Variants in TEP1 observed in about 807,000 individuals in gnomAD.
TEP1 encodes the protein telomerase associated protein 1, also known as telomerase protein component 1.
Under a neutral mutation model 306.3 loss-of-function variants are expected in TEP1, and 241 were observed. The observed-to-expected ratio is 0.79, with a 90% CI of 0.71 to 0.88. The LOEUF is 0.88. TEP1 is among the 40% of genes least tolerant of loss of function. The probability of loss-of-function intolerance (pLI) is 0.00; values close to 1 mark genes in which losing one functional copy is unlikely to be tolerated. For synonymous variants in TEP1, 1,289 were observed against 1,305.5 expected (o/e 0.99, Z 0.27); for missense variants, 3,051 against 3,276.1 (o/e 0.93, Z 1.68).
intron 9 of TEP1, among the ~76,000 whole-genome samples, chr14:20,399,077 G>A (rs1878451273): frequency 6.6e-6 from 1 of 152,078 alleles, no homozygotes. Flanking sequence ...TTTTTGGTTA[G>A]AGACGGGGTT....
rs199552134 is a variant in TEP1 at position 20,377,674 on chromosome 14, G to A, written c.5801C>T (p.Ala1934Val). The A allele has an allele frequency of 6.2e-7, 1 of 1,614,180 alleles. No individual in the cohort carries two copies. Among genetic ancestry groups the A allele is most frequent in the African/African-American group, 1.3e-5 (1 of 75,036 alleles). The change falls in exon 40 of 55, where the codon GCA (alanine) becomes GTA (valine). Residue 1934 changes from alanine (A) to valine (V), a missense_variant. Physicochemically the swap from Ala to Val is moderately conservative, Grantham distance 64 (BLOSUM62 0). Around this residue, in one of 3 missense-constraint regions of TEP1, gnomAD observed 1,540 missense variants for 1,705.9 expected, o/e 0.90. Transcript: ENST00000262715. ...SLSLSPALSV[A>V]LSPDGDRVAV... ...CACCCGATCACCATCTGGGCTGAGT[G>A]CCACAGAGAGGGCAGGAGAGAGAGA...
chr14:20,403,436 G>T lies in TEP1; in HGVS notation c.1207C>A (p.Pro403Thr). 1.2e-6 allele frequency: 2 copies of T among 1,614,150 alleles called. No individual in the cohort carries two copies. The highest frequency in any genetic ancestry group is 1.7e-5 in the Admixed American group (1 of 60,016). ...CTTGGAAAACATCTGTGAGAAAATG[G>T]AGGCTCCATCCCCTGTAGGGACAGG... is the stretch of plus-strand genomic sequence containing the variant. Reference protein sequence around the residue: ...RPPRSPGMEPPFSHRCFPRYI... With the variant: ...RPPRSPGMEPTFSHRCFPRYI... The change falls in exon 7 of 55, where the codon CCA becomes ACA. Residue 403 changes from proline (P) to threonine (T), a missense_variant. Pro to Thr is a conservative substitution (Grantham distance 38). Coordinates refer to ENST00000262715, the MANE Select transcript of TEP1 (RefSeq NM_007110.5).
intron 47 of TEP1, 34 bp downstream of exon 47, chr14:20,373,236 T>C (rs781062957): frequency 6.2e-7 from 1 of 1,612,598 alleles, no homozygotes; most frequent in East Asian, 2.2e-5. Flanking sequence ...TTTGTGCCAG[T>C]AACACACCCT....
intron 12 of TEP1, among the ~76,000 whole-genome samples, chr14:20,393,541 C>T (rs189573113): frequency 1.3e-3 from 191 of 152,286 alleles, no homozygotes; most frequent in African/African-American, 4.5e-3. Context: ...CCTGTAATCC[C>T]AGTACTTTGG....
Position 20,408,169 on chromosome 14 carries a change from T to G in TEP1, c.271A>C (p.Met91Leu). 6.2e-7 allele frequency: 1 copy of G among 1,612,422 alleles called. No homozygotes were observed. The highest frequency in any genetic ancestry group is 8.5e-7 in the Non-Finnish European group (1 of 1,179,798). ...GAAACATGTCCATGTGGTTTCTCCA[T>G]GGTCTTCAGGTCAGAAAGTGTGGCC... ...CLATLSDLKT[M>L]EKPHGHVSAH... Residue 91 changes from methionine (M) to leucine (L), a missense_variant, in exon 2 of 55, where the codon ATG becomes CTG. Physicochemically the swap from Met to Leu is conservative, Grantham distance 15. This residue lies in a region of TEP1 where 1,507 missense variants were observed against 1,550.5 expected (regional missense o/e 0.97). Coordinates refer to ENST00000262715, the MANE Select transcript of TEP1 (RefSeq NM_007110.5).
At chr14:20,402,075 G>A (rs1407149363) in intron 7 of TEP1, among the ~76,000 whole-genome samples, 3 of 152,108 alleles carry the variant, frequency 2.0e-5, no homozygotes, top group East Asian at 3.8e-4. Flanking sequence ...CCAGCTACTC[G>A]GGAGGGAGGA....
chr14:20,385,013 T>TGA lies in TEP1; in HGVS notation c.3077_3078dup (p.Ile1027SerfsTer35). 1.2e-6 allele frequency: 2 copies of TGA among 1,613,714 alleles called. No homozygotes were observed. The highest frequency in any genetic ancestry group is 1.7e-6 in the Non-Finnish European group (2 of 1,179,606). On this transcript the variant is annotated frameshift_variant, in exon 21 of 55. Coordinates refer to ENST00000262715, the MANE Select transcript of TEP1 (RefSeq NM_007110.5). LOFTEE classifies it high-confidence loss of function. ...AGGAAGCTGGAATCCCGGAAGTAGA[T>TGA]GAGAGCTTGGGCAGAGGGCTGCAGA...
chr14:20,371,452 T>A (rs943065709), intron 50 of TEP1, 37 bp downstream of exon 50: 5 of 1,607,938 alleles, frequency 3.1e-6, no homozygotes, highest in Non-Finnish European at 4.2e-6. Flanking sequence ...GTTTCCTTTT[T>A]CCCCAGCTCA....
Position 20,395,460 on chromosome 14 carries a change from G to T in TEP1, c.1918C>A (p.His640Asn). ...ACAGTGCATACATACCTGGCCTTGT[G>T]TACTCTCAGCTTCTCCCTCTTGAGC... is the stretch of plus-strand genomic sequence containing the variant. ...EQLKREKLRVHKARQWKYDGE... is the reference protein window; with the variant it reads ...EQLKREKLRVNKARQWKYDGE... Residue 640 changes from histidine (H) to asparagine (N), a missense_variant, in exon 12 of 55, where the codon CAC becomes AAC. Transcript: ENST00000262715. The T allele has an allele frequency of 6.3e-7, 1 of 1,593,960 alleles. No homozygotes were observed. The highest frequency in any genetic ancestry group is 8.6e-7 in the Non-Finnish European group (1 of 1,164,426).
chr14:20,382,395 G>A, intron 28 of TEP1, 39 bp from the exon 29 acceptor site: 1 of 1,577,660 alleles, frequency 6.3e-7, no homozygotes, highest in Non-Finnish European at 8.6e-7. Context: ...AGTGCAGTGG[G>A]AGGAGAAGCA....
rs756468950 is a variant in TEP1, at chr14:20,380,005, G to GC, written c.5051_5052insG (p.Phe1684LeufsTer36). 1 of 1,614,198 alleles carries GC rather than the reference G, an allele frequency of 6.2e-7. No homozygotes were observed. Among genetic ancestry groups the GC allele is most frequent in the Non-Finnish European group, 8.5e-7 (1 of 1,180,036 alleles). On this transcript the variant is annotated frameshift_variant, in exon 35 of 55. Transcript: ENST00000262715. LOFTEE classifies it high-confidence loss of function. ...CAGCTGCTCTTTGCCCATTGGTGGA[G>GC]AAGGCCACAGCAGTAGGGGATGAGG...
chr14:20,368,104 G>C lies in TEP1; in HGVS notation c.*333C>G, dbSNP rs1291452769. On this transcript the variant is annotated 3_prime_UTR_variant, in exon 55 of 55. Transcript: ENST00000262715. ...TCCTCCTGGCAAGAATGGCATCCTA[G>C]GGTCCTAGGGCCCGCGAGTGATGCA... is the stretch of plus-strand genomic sequence containing the variant. 5.5e-6 allele frequency: 1 copy of C among 183,286 alleles called. No individual in the cohort carries two copies. Among genetic ancestry groups the C allele is most frequent in the East Asian group, 1.4e-4 (1 of 7,256 alleles). The allele number at this position is 183,286 out of a possible 1,614,324, so 11.4% of individuals were successfully genotyped here. A position where few individuals can be genotyped will look rare whatever the true frequency, so the allele number is the denominator to read the frequency against.
chr14:20,403,024 GCACA>G (rs1215662487), intron 7 of TEP1, among the ~76,000 whole-genome samples: 4 of 151,968 alleles, frequency 2.6e-5, no homozygotes, highest in African/African-American at 9.7e-5. Context: ...AAGCGTGGTG[GCACA>G]CGCCTGTAGT....
At chr14:20,406,204 T>C in intron 3 of TEP1, 29 bp downstream of exon 3, 4 of 1,612,568 alleles carry the variant, frequency 2.5e-6, no homozygotes, top group Non-Finnish European at 3.4e-6. Flanking sequence ...ACACCATTAT[T>C]AACCTTCCCC....
At chr14:20,378,000 A>G (rs1214533895) in intron 39 of TEP1, 24 bp downstream of exon 39, 4 of 1,604,300 alleles carry the variant, frequency 2.5e-6, no homozygotes, top group Non-Finnish European at 1.7e-6. Context: ...CTCACAACCC[A>G]CCACCAGCCC....
intron 9 of TEP1, among the ~76,000 whole-genome samples, chr14:20,398,238 C>T (rs1198288988): frequency 6.6e-6 from 1 of 151,696 alleles, no homozygotes; most frequent in African/African-American, 2.4e-5. Context: ...ATTAGCCGGG[C>T]GTGGTGGTGG....
Position 20,368,885 on chromosome 14 carries a change from G to T in TEP1, c.7674C>A (p.Val2558=), listed in dbSNP as rs1242771523. 1 of 1,613,820 alleles carries T rather than the reference G, an allele frequency of 6.2e-7. No individual in the cohort carries two copies. The highest frequency in any genetic ancestry group is 1.7e-5 in the Admixed American group (1 of 59,980). The change falls in exon 54 of 55, where the codon GTC becomes GTA. Residue 2558 remains valine (V), a synonymous_variant. Transcript: ENST00000262715. The part of the protein sequence containing the change: ...RQRRKIHSGS[V]TALHVLPELL... ...ACTCAGGTAGCACATGGAGGGCTGTGACAGAGCCCGAGTGAATCTCAAAGA... is the reference window on the plus strand; with the variant it reads ...ACTCAGGTAGCACATGGAGGGCTGTTACAGAGCCCGAGTGAATCTCAAAGA...
Position 20,377,799 on chromosome 14 carries a change from G to A in TEP1, c.5722-46C>T, listed in dbSNP as rs371805463. ...TTAAGGATACCACCTCCACCACGCGGTCCTCCTTCCTGTTTTGAGTTACAG... is the reference window on the plus strand; with the variant it reads ...TTAAGGATACCACCTCCACCACGCGATCCTCCTTCCTGTTTTGAGTTACAG... On this transcript the variant is annotated intron_variant, in intron 39 of 54. Transcript: ENST00000262715. 6.6e-4 allele frequency: 1,063 copies of A among 1,604,022 alleles called. 3 individuals carry two copies. The highest frequency in any genetic ancestry group is 1.0e-4 in the Non-Finnish European group (122 of 1,176,350).
In TEP1 at chr14:20,404,836, T is replaced by C. The variant is rs372630237; in HGVS notation, c.871-64A>G. The C allele has an allele frequency of 1.0e-5, 16 of 1,526,452 alleles. No individual in the cohort carries two copies. In the African/African-American group the frequency reaches 2.2e-4, roughly 21 times the overall value. The allele number at this position is 1,526,452 out of a possible 1,614,324, so 94.6% of individuals were successfully genotyped here. On this transcript the variant is annotated intron_variant, in intron 4 of 54. Transcript: ENST00000262715. Reference sequence around the variant, plus strand: ...CCTCCCGTAGCTTTCTGCCCTGAAATTACTTGCTGATTGAGTGTGCCTGTA... The same window carrying C: ...CCTCCCGTAGCTTTCTGCCCTGAAACTACTTGCTGATTGAGTGTGCCTGTA...
Sources: gnomAD v4.1 joint callset for allele counts (sites outside exome capture counted in the v4.1 genomes callset) on GRCh38, gnomAD v4.1.1 for gene constraint, gnomAD v4.1.1 regional missense constraint, MANE v1.5 for transcripts, NCBI Gene and HGNC (gene_info 2026-07-23, HGNC 2026-07-21) for gene names.